The following A2ML1 variants were observed in gnomAD, a reference collection of about 807,000 sequenced individuals.
The protein encoded by A2ML1 is alpha-2-macroglobulin-like protein 1.
In A2ML1, 161 loss-of-function variants were observed where a neutral mutation model predicts 181.9. The ratio of observed to expected loss-of-function variants is 0.89; its 90% CI spans 0.78 to 1.01. The LOEUF is 1.01. Ranked by LOEUF, A2ML1 falls within the 50% of genes least tolerant of loss-of-function variation. A2ML1 has a pLI of 0.00. For synonymous variants in A2ML1, 663 were observed against 666.8 expected (o/e 0.99, Z 0.09); for missense variants, 1,670 against 1,768.1 (o/e 0.94, Z 1.00).
intron 5 of A2ML1, 32 bp downstream of exon 5, chr12:8,834,714 G>C: frequency 6.2e-7 from 1 of 1,613,610 alleles, no homozygotes; most frequent in Non-Finnish European, 8.5e-7. Flanking sequence ...TTCTCTGTCA[G>C]TTGTGGAAGA....
intron 28 of A2ML1, among the ~76,000 whole-genome samples, chr12:8,862,195 T>A (rs10842412): frequency 0.94 from 142,807 of 152,102 alleles, 67,690 homozygotes; most frequent in East Asian, 1. Flanking sequence ...ATTTTTTAAA[T>A]TTTTTATTTT....
chr12:8,828,250 GAGTC>G (rs1251003108), intron 3 of A2ML1, among the ~76,000 whole-genome samples: 2 of 152,172 alleles, frequency 1.3e-5, no homozygotes, highest in East Asian at 3.9e-4. Context: ...CCAGGGCCTG[GAGTC>G]AGAAACCTTA....
rs893898324 is a variant in A2ML1, at chr12:8,858,678, C to T, written c.3264+576C>T. 5.3e-5 allele frequency among the ~76,000 whole-genome samples: 8 copies of T among 152,096 alleles called. 1 individual carries two copies. Among genetic ancestry groups the T allele is most frequent in the African/African-American group, 1.4e-4 (6 of 41,406 alleles). On this transcript the variant is annotated intron_variant, in intron 26 of 35. Transcript: ENST00000299698. ...GCATCACATGGGAACTTGTTGGAAA[C>T]GCAGATTCTGACTCCCAGCCCACAC... is the stretch of plus-strand genomic sequence containing the variant.
At chr12:8,872,659 C>T (rs7136692) in intron 33 of A2ML1, among the ~76,000 whole-genome samples, 6,984 of 151,422 alleles carry the variant, frequency 0.046, 501 homozygotes, top group African/African-American at 0.16. Flanking sequence ...TTGTGCGTGC[C>T]GGTAGTCCCA....
At chr12:8,840,577 A>G (rs1212542180) in intron 10 of A2ML1, among the ~76,000 whole-genome samples, 1 of 152,074 alleles carries the variant, frequency 6.6e-6, no homozygotes, top group Non-Finnish European at 1.5e-5. Flanking sequence ...CCTAAGGATT[A>G]CACAGTTTGG....
chr12:8,826,101 G>A (rs1229935071), intron 3 of A2ML1, among the ~76,000 whole-genome samples: 1 of 152,008 alleles, frequency 6.6e-6, no homozygotes, highest in Admixed American at 6.6e-5. Context: ...AAAATTTTAT[G>A]ATTTTTTTTA....
intron 32 of A2ML1, 35 bp downstream of exon 32, chr12:8,868,662 G>T (rs1944514702): frequency 6.3e-7 from 1 of 1,580,938 alleles, no homozygotes; most frequent in Non-Finnish European, 8.7e-7. Context: ...TTATCTAGCT[G>T]TGAGGGGACC....
At chr12:8,825,537 T>C (rs1025723534) in intron 3 of A2ML1, among the ~76,000 whole-genome samples, 11 of 152,320 alleles carry the variant, frequency 7.2e-5, no homozygotes, top group South Asian at 4.1e-4. Context: ...TTTTCTTTCA[T>C]TCTGTGGGTT....
chr12:8,847,588 G>T lies in A2ML1; in HGVS notation c.1723G>T (p.Ala575Ser). 3 of 1,613,362 alleles carry T rather than the reference G, an allele frequency of 1.9e-6. No homozygotes were observed. The highest frequency in any genetic ancestry group is 2.7e-5 in the African/African-American group (2 of 74,998). ...CTCCCCCTCCCAGCAGCTTCCAGGA[G>T]CAGAAGTGGAGCTGCAGCTGCAGGC... ...GFSPSQQLPGAEVELQLQAAP... is the reference protein window; with the variant it reads ...GFSPSQQLPGSEVELQLQAAP... Residue 575 changes from alanine to serine, a missense_variant, in exon 15 of 36, where the codon GCA (alanine) becomes TCA (serine). Ala to Ser is a moderately conservative substitution (Grantham distance 99). Transcript: ENST00000299698.
chr12:8,873,374 G>C (rs978905448), intron 33 of A2ML1, among the ~76,000 whole-genome samples: 2 of 151,864 alleles, frequency 1.3e-5, no homozygotes, highest in African/African-American at 4.8e-5. Context: ...CAAGTAGCTA[G>C]GATTTATTTT....
At chr12:8,823,409 T>C in intron 2 of A2ML1, 44 bp downstream of exon 2, 14 of 1,560,094 alleles carry the variant, frequency 9.0e-6, no homozygotes, top group Non-Finnish European at 9.6e-6. Flanking sequence ...TACTTGCCTA[T>C]TCTCCTCCCT....
At chr12:8,831,121 T>A (rs1943098574) in intron 4 of A2ML1, among the ~76,000 whole-genome samples, 1 of 151,922 alleles carries the variant, frequency 6.6e-6, no homozygotes, top group Non-Finnish European at 1.5e-5. Context: ...GGCTAATTAT[T>A]TTATTTTTTT....
chr12:8,848,878 G>T lies in A2ML1; in HGVS notation c.1992G>T (p.Ser664=), dbSNP rs765976469. Residue 664 remains serine (S), a synonymous_variant, in exon 16 of 36, where the codon TCG becomes TCT. Transcript: ENST00000299698. ...AGCGTTCCATTATCTGGAGGCCCTC[G>T]TTCTCTGAAGGCACGGACCTTTTCA... ...SSQRSIIWRP[S]FSEGTDLFSF... 1.9e-6 allele frequency: 3 copies of T among 1,613,942 alleles called. No individual in the cohort carries two copies. The African/African-American group carries it at 4.0e-5, about 22-fold the overall frequency.
chr12:8,868,061 A>G lies in A2ML1; in HGVS notation c.3933+4A>G, dbSNP rs779680238. 42 of 1,612,922 alleles carry G rather than the reference A, an allele frequency of 2.6e-5. No homozygotes were observed. Among genetic ancestry groups the G allele is most frequent in the Non-Finnish European group, 3.2e-5 (38 of 1,178,972 alleles). ...CCAGGGCTGTGTCTATGTGCAGGTA[A>G]GTAGAGATCCATGAGAATGAGCGGA... On this transcript the variant is annotated splice_donor_region_variant and intron_variant, in intron 30 of 35. Coordinates refer to ENST00000299698, the MANE Select transcript of A2ML1 (RefSeq NM_144670.6).
At chr12:8,823,467 A>G (rs1405440969) in intron 2 of A2ML1, 102 bp downstream of exon 2, 2 of 1,354,890 alleles carry the variant, frequency 1.5e-6, no homozygotes, top group Non-Finnish European at 2.0e-6. Flanking sequence ...ATCTTTTGCC[A>G]CGGCCTCTAA....
rs773944991 is a variant in A2ML1 at position 8,823,298 on chromosome 12, A to G, written c.179A>G (p.Asp60Gly). 6.2e-7 allele frequency: 1 copy of G among 1,614,182 alleles called. No homozygotes were observed. The highest frequency in any genetic ancestry group is 8.5e-7 in the Non-Finnish European group (1 of 1,180,034). ...TTCACGGTTACTCTGGAGACCAAGGACAAGACCCAGAAGTTGCTAGAATAC... is the reference window on the plus strand; with the variant it reads ...TTCACGGTTACTCTGGAGACCAAGGGCAAGACCCAGAAGTTGCTAGAATAC... ...VKFTVTLETK[D>G]KTQKLLEYSG... Residue 60 changes from aspartate to glycine, a missense_variant, in exon 2 of 36, where the codon GAC (aspartate) becomes GGC (glycine). By Grantham distance (94) the Asp-to-Gly change is moderately conservative (BLOSUM62 -1). Transcript: ENST00000299698.
chr12:8,882,418 A>T (rs1037937786), intron 7 of A2ML1, among the ~76,000 whole-genome samples: 1 of 152,076 alleles, frequency 6.6e-6, no homozygotes, highest in African/African-American at 2.4e-5. Context: ...TCTTTCTAAG[A>T]ATCCTACCTT....
At chr12:8,870,738 G>C (rs1419259424) in intron 33 of A2ML1, among the ~76,000 whole-genome samples, 4 of 152,132 alleles carry the variant, frequency 2.6e-5, no homozygotes, top group Non-Finnish European at 5.9e-5. Context: ...TGGAGAGAGA[G>C]AGTGGGTTGT....
chr12:8,828,139 T>C (rs1424602989), intron 3 of A2ML1, among the ~76,000 whole-genome samples: 1 of 152,132 alleles, frequency 6.6e-6, no homozygotes, highest in Non-Finnish European at 1.5e-5. Flanking sequence ...GCCCTAGGGC[T>C]CTACAGTCAG....
Sources: allele counts gnomAD v4.1 joint callset (sites outside exome capture counted in the v4.1 genomes callset), GRCh38; gene constraint gnomAD v4.1.1; transcripts MANE v1.5; gene names NCBI Gene and HGNC (gene_info 2026-07-23, HGNC 2026-07-21).